Variants in PRKCD observed in about 807,000 individuals in gnomAD.
PRKCD encodes the protein protein kinase C delta type.
In PRKCD, 20 loss-of-function variants were observed where a neutral mutation model predicts 82.2. The ratio of observed to expected loss-of-function variants is 0.24; its 90% CI spans 0.17 to 0.35. The LOEUF (loss-of-function observed/expected upper bound fraction) is 0.35, where lower values mean the gene tolerates loss of function less well. Ranked by LOEUF, PRKCD falls within the 10% of genes least tolerant of loss-of-function variation. The pLI is 1.00. For synonymous variants in PRKCD, 317 were observed against 337.0 expected (o/e 0.94, Z 0.65); for missense variants, 607 against 899.0 (o/e 0.68, Z 4.15).
chr3:53,183,690 C>T (rs1368160084), intron 9 of PRKCD, 109 bp downstream of exon 9: 1 of 1,453,656 alleles, frequency 6.9e-7, no homozygotes, highest in African/African-American at 1.4e-5. Flanking sequence ...AGACGGGCAC[C>T]TCATTCAGGG....
Position 53,190,007 on chromosome 3 carries a change from T to C in PRKCD, c.1872+6T>C. The C allele has an allele frequency of 6.2e-7, 1 of 1,613,876 alleles. No homozygotes were observed. The highest frequency in any genetic ancestry group is 8.5e-7 in the Non-Finnish European group (1 of 1,179,902). ...CACCTTTCAGGCCCAAAGTGGTATG[T>C]GATCCTGCCCTGTGCTGCCTTCAGG... On this transcript the variant is annotated splice_donor_region_variant and intron_variant, in intron 18 of 18. Coordinates refer to ENST00000330452, the MANE Select transcript of PRKCD (RefSeq NM_006254.4).
chr3:53,173,928 T>A (rs574884373), intron 2 of PRKCD, among the ~76,000 whole-genome samples: 1 of 152,334 alleles, frequency 6.6e-6, no homozygotes, highest in African/African-American at 2.4e-5. Flanking sequence ...GATCTCCACC[T>A]CTACCGTCTT....
chr3:53,162,234 C>T (rs1374197145), intron 1 of PRKCD, among the ~76,000 whole-genome samples: 5 of 151,822 alleles, frequency 3.3e-5, no homozygotes, highest in African/African-American at 1.2e-4. Context: ...GATGCCACTC[C>T]CGTTGTGGGG....
At chr3:53,189,019 C>T (rs782080868) in intron 16 of PRKCD, 39 bp from the exon 17 acceptor site, 18 of 1,589,212 alleles carry the variant, frequency 1.1e-5, no homozygotes, top group Non-Finnish European at 1.5e-5. Context: ...AGCCTCAGCA[C>T]CTCAGCTCCT....
chr3:53,190,778 G>A (rs1343442265), intron 18 of PRKCD, among the ~76,000 whole-genome samples: 3 of 152,204 alleles, frequency 2.0e-5, no homozygotes, highest in Non-Finnish European at 4.4e-5. Flanking sequence ...GGCAGCCTGT[G>A]TAATGCGCCC....
chr3:53,178,359 G>A (rs949798732), intron 2 of PRKCD, 45 bp from the exon 3 acceptor site: 62 of 1,371,732 alleles, frequency 4.5e-5, no homozygotes, highest in Admixed American at 2.9e-4. Flanking sequence ...GACTGTTCCC[G>A]CTGGTCCCGC....
chr3:53,184,297 T>C (rs1703585363), intron 9 of PRKCD, among the ~76,000 whole-genome samples: 1 of 151,348 alleles, frequency 6.6e-6, no homozygotes, highest in South Asian at 2.1e-4. Context: ...ATCATGTCAC[T>C]GTACTCCAGC....
At chr3:53,166,239 T>C (rs1398491258) in intron 2 of PRKCD, among the ~76,000 whole-genome samples, 1 of 152,176 alleles carries the variant, frequency 6.6e-6, no homozygotes, top group Admixed American at 6.5e-5. Flanking sequence ...CAGTCTTCAC[T>C]GGGCCTTCTG....
rs1553670510 is a variant in PRKCD at position 53,190,019 on chromosome 3, G to C, written c.1872+18G>C. ...CCAAAGTGGTATGTGATCCTGCCCT[G>C]TGCTGCCTTCAGGCTGAGCTACTCC... On this transcript the variant is annotated intron_variant, in intron 18 of 18. Transcript: ENST00000330452. 1 of 1,613,322 alleles carries C rather than the reference G, an allele frequency of 6.2e-7. No individual in the cohort carries two copies. Among genetic ancestry groups the C allele is most frequent in the Non-Finnish European group, 8.5e-7 (1 of 1,179,724 alleles).
rs781801300 is a variant in PRKCD at position 53,189,256 on chromosome 3, C to T, written c.1743+10C>T. On this transcript the variant is annotated intron_variant, in intron 17 of 18. Coordinates refer to ENST00000330452, the MANE Select transcript of PRKCD (RefSeq NM_006254.4). ...GGACATCCTGGAGAAGGTGGAGGCCCTGGGCTGGGCTGGGCTGGTCTGGGC... is the reference window on the plus strand; with the variant it reads ...GGACATCCTGGAGAAGGTGGAGGCCTTGGGCTGGGCTGGGCTGGTCTGGGC... 3 of 1,391,238 alleles carry T rather than the reference C, an allele frequency of 2.2e-6. No homozygotes were observed. The South Asian group carries it at 3.8e-5, about 18-fold the overall frequency. The allele number at this position is 1,391,238 out of a possible 1,614,324, so 86.2% of individuals were successfully genotyped here. A position where few individuals can be genotyped will look rare whatever the true frequency, so the allele number is the denominator to read the frequency against.
chr3:53,177,871 A>C (rs1287726813), intron 2 of PRKCD, among the ~76,000 whole-genome samples: 1 of 152,048 alleles, frequency 6.6e-6, no homozygotes, highest in Non-Finnish European at 1.5e-5. Flanking sequence ...GCCCAACATC[A>C]CATTTTCCAG....
intron 2 of PRKCD, among the ~76,000 whole-genome samples, chr3:53,172,771 G>C (rs1703081161): frequency 6.6e-6 from 1 of 152,158 alleles, no homozygotes; most frequent in African/African-American, 2.4e-5. Flanking sequence ...TTCTCCCATA[G>C]ACGTTTCTGA....
In PRKCD at chr3:53,188,827, TC is replaced by T; in HGVS notation, c.1524del (p.Cys509AlafsTer15). ...TTCGGGGAGAGCCGGGCCAGCACCTTCTGCGGCACCCCTGACTATATCGCCC... is the reference window on the plus strand; with the variant it reads ...TTCGGGGAGAGCCGGGCCAGCACCTTTGCGGCACCCCTGACTATATCGCCC... ...NIFGESRAST[F>X]CGTPDYIAPE... On this transcript the variant is annotated frameshift_variant, in exon 16 of 19. Transcript: ENST00000330452. LOFTEE classifies it high-confidence loss of function. 1 of 1,614,182 alleles carries T rather than the reference TC, an allele frequency of 6.2e-7. No individual in the cohort carries two copies. Among genetic ancestry groups the T allele is most frequent in the Non-Finnish European group, 8.5e-7 (1 of 1,180,032 alleles).
chr3:53,173,941 G>A (rs1024195481), intron 2 of PRKCD, among the ~76,000 whole-genome samples: 13 of 152,070 alleles, frequency 8.5e-5, no homozygotes, highest in African/African-American at 2.4e-4. Flanking sequence ...ACCGTCTTCC[G>A]TCCATCTCTA....
chr3:53,186,786 C>A, intron 14 of PRKCD, 91 bp downstream of exon 14: 1 of 1,321,724 alleles, frequency 7.6e-7, no homozygotes, highest in Non-Finnish European at 1.1e-6. Context: ...ATGCCTTCTT[C>A]CCTCTCCCTA....
At chr3:53,168,177 C>T (rs1035190991) in intron 2 of PRKCD, among the ~76,000 whole-genome samples, 2 of 152,192 alleles carry the variant, frequency 1.3e-5, no homozygotes, top group Admixed American at 1.3e-4. Flanking sequence ...CTTCAGACCC[C>T]TGGAGTCAGC....
At position 53,189,214 on chromosome 3, in the gene PRKCD, A is replaced by G. The variant is rs1381115525; in HGVS notation, c.1711A>G (p.Ile571Val). 16 of 1,612,000 alleles carry G rather than the reference A, an allele frequency of 9.9e-6. No homozygotes were observed. Among genetic ancestry groups the G allele is most frequent in the Non-Finnish European group, 1.4e-5 (16 of 1,178,982 alleles). The change falls in exon 17 of 19, where the codon ATC becomes GTC. Residue 571 changes from isoleucine (I) to valine (V), a missense_variant. By Grantham distance (29) the Ile-to-Val change is conservative (BLOSUM62 3). Around this residue, in one of 5 missense-constraint regions of PRKCD, gnomAD observed 251 missense variants for 423.9 expected, o/e 0.59. Coordinates refer to ENST00000330452, the MANE Select transcript of PRKCD (RefSeq NM_006254.4). Reference sequence around the variant, plus strand: ...GGACACGCCACATTATCCCCGCTGGATCACCAAGGAGTCCAAGGACATCCT... The same window carrying G: ...GGACACGCCACATTATCCCCGCTGGGTCACCAAGGAGTCCAAGGACATCCT... ...RVDTPHYPRW[I>V]TKESKDILEK... is the part of the protein sequence containing the mutation.
Position 53,189,165 on chromosome 3 carries a change from T to G in PRKCD, c.1662T>G (p.Asp554Glu). The change falls in exon 17 of 19, where the codon GAT becomes GAG. Residue 554 changes from aspartate to glutamate, a missense_variant. Physicochemically the swap from Asp to Glu is conservative, Grantham distance 45. This residue lies in a region of PRKCD where 251 missense variants were observed against 423.9 expected (regional missense o/e 0.59). Transcript: ENST00000330452. ...CCCCCTTCCATGGTGATGATGAGGATGAACTCTTCGAGTCCATCCGTGTGG... is the reference window on the plus strand; with the variant it reads ...CCCCCTTCCATGGTGATGATGAGGAGGAACTCTTCGAGTCCATCCGTGTGG... ...GQSPFHGDDE[D>E]ELFESIRVDT... 4 of 1,614,162 alleles carry G rather than the reference T, an allele frequency of 2.5e-6. No homozygotes were observed. The highest frequency in any genetic ancestry group is 3.4e-6 in the Non-Finnish European group (4 of 1,180,028).
chr3:53,181,646 GT>G (rs1553667566), intron 6 of PRKCD, 40 bp downstream of exon 6: 1 of 1,613,162 alleles, frequency 6.2e-7, no homozygotes, highest in African/African-American at 1.3e-5. Flanking sequence ...GTGCAGGGTA[GT>G]GGGGGCCGAT....
Sources: allele counts gnomAD v4.1 joint callset (sites outside exome capture counted in the v4.1 genomes callset), GRCh38; gene constraint gnomAD v4.1.1; regional missense constraint gnomAD v4.1.1; transcripts MANE v1.5; gene names NCBI Gene and HGNC (gene_info 2026-07-23, HGNC 2026-07-21).